The following KAZN variants were observed in gnomAD, a reference collection of about 807,000 sequenced individuals.
KAZN encodes kazrin, periplakin interacting protein, also known as kazrin.
In KAZN, 40 loss-of-function variants were observed where a neutral mutation model predicts 87.4. The observed-to-expected ratio is 0.46, with a 90% CI of 0.36 to 0.60. The LOEUF is 0.60. Among genes scored for constraint, KAZN ranks in the 20% least tolerant of loss-of-function variants. The pLI is 0.00. For missense variants in KAZN, 898 were observed against 1,073.9 expected, an observed-to-expected ratio of 0.84 and a Z score of 2.29; for synonymous variants, 466 against 458.3, an observed-to-expected ratio of 1.02 and a Z score of -0.22.
At chr1:13,967,994 C>T (rs193007031) in intron 1 of KAZN, among the ~76,000 whole-genome samples, 5 of 152,318 alleles carry the variant, frequency 3.3e-5, no homozygotes, top group African/African-American at 7.2e-5. Context: ...TGGGCAGTGC[C>T]TCTCCCTTGG....
chr1:14,340,467 C>A (rs1657596560), intron 2 of KAZN, among the ~76,000 whole-genome samples: 1 of 152,148 alleles, frequency 6.6e-6, no homozygotes, highest in South Asian at 2.1e-4. Flanking sequence ...TGGGTGTAAC[C>A]CCCAGTTCTG....
At chr1:13,944,244 C>T (rs1304632769) in intron 1 of KAZN, among the ~76,000 whole-genome samples, 1 of 152,160 alleles carries the variant, frequency 6.6e-6, no homozygotes, top group Non-Finnish European at 1.5e-5. Context: ...TTGAAAATAG[C>T]ACGCGACGTG....
At chr1:14,518,963 G>A (rs12138326) in intron 2 of KAZN, among the ~76,000 whole-genome samples, 33,157 of 152,056 alleles carry the variant, frequency 0.22, 4,121 homozygotes, top group Non-Finnish European at 0.29. Context: ...ACCCAACTTC[G>A]GAGATCCTGT....
chr1:15,058,665 G>A (rs1483210811), intron 5 of KAZN, among the ~76,000 whole-genome samples: 2 of 152,094 alleles, frequency 1.3e-5, no homozygotes, highest in East Asian at 1.9e-4. Context: ...AGACACCCAG[G>A]GTACCTGCCC....
intron 2 of KAZN, among the ~76,000 whole-genome samples, chr1:14,309,161 T>C (rs559537584): frequency 1.4e-4 from 22 of 152,288 alleles, no homozygotes; most frequent in African/African-American, 5.3e-4. Flanking sequence ...AACTGGAATT[T>C]AGGCTAGAAG....
chr1:14,234,512 C>T (rs1183807459), intron 2 of KAZN, among the ~76,000 whole-genome samples: 8 of 147,514 alleles, frequency 5.4e-5, no homozygotes, highest in Non-Finnish European at 1.0e-4. Context: ...ATGTAACAAA[C>T]CTGCACGTTC....
At chr1:14,682,775 T>C (rs574420367) in intron 1 of KAZN, among the ~76,000 whole-genome samples, 1 of 152,338 alleles carries the variant, frequency 6.6e-6, no homozygotes, top group African/African-American at 2.4e-5. Flanking sequence ...TTAATGCTCA[T>C]GACACTCTAG....
In KAZN at chr1:15,014,087, G is replaced by A. The variant is rs1040134675; in HGVS notation, c.419-20662G>A. On this transcript the variant is annotated intron_variant, in intron 2 of 14. Coordinates refer to ENST00000376030, the MANE Select transcript of KAZN (RefSeq NM_201628.3). ...TTAGGCTGAGCAGAAACTAAGAACC[G>A]AGTTTGCTCTCTGGTCCAAGAAAAG... Among the ~76,000 whole-genome samples the A allele has an allele frequency of 2.6e-5, 4 of 152,094 alleles. No homozygotes were observed. The South Asian group carries it at 6.2e-4, about 24-fold the overall frequency.
intron 1 of KAZN, among the ~76,000 whole-genome samples, chr1:14,719,578 C>T (rs916564468): frequency 1.3e-5 from 2 of 152,244 alleles, no homozygotes; most frequent in East Asian, 1.9e-4. Context: ...GTGGCTCACA[C>T]TTGTAATCCG....
intron 2 of KAZN, among the ~76,000 whole-genome samples, chr1:14,515,812 G>C (rs1671268722): frequency 6.6e-6 from 1 of 151,920 alleles, no homozygotes; most frequent in Admixed American, 6.6e-5. Context: ...TTTCTTCATG[G>C]CTCAAATGGT....
rs573227255 is a variant in KAZN, at chr1:14,937,641, A to G, written c.227-23043A>G. Among the ~76,000 whole-genome samples the G allele has an allele frequency of 3.3e-5, 5 of 152,314 alleles. No homozygotes were observed. In the East Asian group the frequency reaches 7.7e-4, roughly 24 times the overall value. The stretch of plus-strand genomic sequence containing the variant: ...TGTGCCTGCTCCCTCAAGGGGCTGC[A>G]TAAGCACTTGCTGTCACGTCCCCTT... On this transcript the variant is annotated intron_variant, in intron 1 of 14. Coordinates refer to ENST00000376030, the MANE Select transcript of KAZN (RefSeq NM_201628.3).
At chr1:14,399,670 G>A (rs1245592055) in intron 2 of KAZN, among the ~76,000 whole-genome samples, 2 of 152,058 alleles carry the variant, frequency 1.3e-5, no homozygotes, top group Admixed American at 6.6e-5. Flanking sequence ...CTAAGGGGTG[G>A]TGGCCTGTGT....
intron 1 of KAZN, among the ~76,000 whole-genome samples, chr1:14,122,551 C>T (rs1284117500): frequency 6.6e-6 from 1 of 152,142 alleles, no homozygotes. Context: ...GTTCACCTGA[C>T]CCAGCTCACA....
chr1:14,733,788 C>T (rs1481070386), intron 1 of KAZN, among the ~76,000 whole-genome samples: 1 of 152,174 alleles, frequency 6.6e-6, no homozygotes, highest in Non-Finnish European at 1.5e-5. Flanking sequence ...GAACCACCTG[C>T]GAGCTGTTTG....
At chr1:14,387,099 T>C (rs1661981495) in intron 2 of KAZN, among the ~76,000 whole-genome samples, 1 of 152,242 alleles carries the variant, frequency 6.6e-6, no homozygotes, top group Non-Finnish European at 1.5e-5. Flanking sequence ...TTCCAGTTGA[T>C]CGCATCAGCT....
intron 2 of KAZN, among the ~76,000 whole-genome samples, chr1:14,434,217 T>C (rs1223431731): frequency 6.6e-6 from 1 of 152,220 alleles, no homozygotes; most frequent in African/African-American, 2.4e-5. Flanking sequence ...AGTTTGGGGC[T>C]ATCATGAAAA....
intron 4 of KAZN, among the ~76,000 whole-genome samples, chr1:15,046,171 G>A (rs1673479477): frequency 6.6e-6 from 1 of 152,006 alleles, no homozygotes; most frequent in Non-Finnish European, 1.5e-5. Flanking sequence ...GGCGGTGGAT[G>A]CCTGTAATCC....
At chr1:14,627,804 C>G (rs750350817) in intron 1 of KAZN, among the ~76,000 whole-genome samples, 3 of 152,154 alleles carry the variant, frequency 2.0e-5, no homozygotes, top group Non-Finnish European at 2.9e-5. Context: ...ACACCTAGGC[C>G]TGATTTGCAT....
At chr1:14,832,264 C>T (rs1212027059) in intron 1 of KAZN, among the ~76,000 whole-genome samples, 2 of 151,896 alleles carry the variant, frequency 1.3e-5, no homozygotes, top group Non-Finnish European at 2.9e-5. Context: ...GCTGAATCTG[C>T]CACACCCCAC....
Sources: allele counts gnomAD v4.1 joint callset (sites outside exome capture counted in the v4.1 genomes callset), GRCh38; gene constraint gnomAD v4.1.1; transcripts MANE v1.5; gene names NCBI Gene and HGNC (gene_info 2026-07-23, HGNC 2026-07-21).